The following SOX6 variants were observed in gnomAD, a reference collection of about 807,000 sequenced individuals.
SOX6 encodes SRY-box transcription factor 6, also known as transcription factor SOX-6.
In SOX6, 11 loss-of-function variants were observed where a neutral mutation model predicts 97.8. The observed-to-expected ratio is 0.11, with a 90% CI of 0.07 to 0.19. The LOEUF (loss-of-function observed/expected upper bound fraction) is 0.19, where lower values mean the gene tolerates loss of function less well. Ranked by LOEUF, SOX6 falls within the 10% of genes least tolerant of loss-of-function variation. The pLI is 1.00. For missense variants in SOX6, 810 were observed against 1,039.5 expected (o/e 0.78, Z 3.04); for synonymous variants, 360 against 371.4 (o/e 0.97, Z 0.35).
At chr11:16,080,101 A>C (rs934379656) in intron 9 of SOX6, among the ~76,000 whole-genome samples, 14 of 151,010 alleles carry the variant, frequency 9.3e-5, no homozygotes, top group Non-Finnish European at 1.6e-4. Context: ...AAAAAAAAAA[A>C]CATTCTCATC....
intron 6 of SOX6, among the ~76,000 whole-genome samples, chr11:16,149,951 G>T (rs1172659829): frequency 1.3e-5 from 2 of 152,142 alleles, no homozygotes; most frequent in African/African-American, 4.8e-5. Context: ...CACTCCCAAA[G>T]CAATTGATTT....
At position 16,726,878 on chromosome 11, in the gene SOX6, C is replaced by A. The variant is rs1009980736; in HGVS notation, n.353+9461G>T. Among the ~76,000 whole-genome samples the A allele has an allele frequency of 2.0e-5, 3 of 152,128 alleles. 1 individual carries two copies. Among genetic ancestry groups the A allele is most frequent in the Non-Finnish European group, 4.4e-5 (3 of 68,024 alleles). The stretch of plus-strand genomic sequence containing the variant: ...ATGCTTAGATATTAACCGTGATAAC[C>A]TCAGAACTATGGCATTACTAAGTGA... On this transcript the variant is annotated intron_variant and non_coding_transcript_variant, in intron 2 of 5. Coordinates refer to the SOX6 transcript ENST00000524520.
chr11:16,388,123 G>T (rs536703504), intron 1 of SOX6, among the ~76,000 whole-genome samples: 1 of 152,194 alleles, frequency 6.6e-6, no homozygotes, highest in South Asian at 2.1e-4. Flanking sequence ...TATATTCCTA[G>T]ATTGCTGGGA....
At chr11:16,113,170 G>A (rs2133996565) in intron 6 of SOX6, among the ~76,000 whole-genome samples, 1 of 152,238 alleles carries the variant, frequency 6.6e-6, no homozygotes, top group Admixed American at 6.5e-5. Context: ...AAATGCTTCT[G>A]TGTAGGTCTA....
chr11:16,512,905 G>A (rs777724775), intron 4 of SOX6, among the ~76,000 whole-genome samples: 1 of 152,166 alleles, frequency 6.6e-6, no homozygotes, highest in Non-Finnish European at 1.5e-5. Context: ...CAGAAGAAGG[G>A]AATGACTCTG....
intron 3 of SOX6, among the ~76,000 whole-genome samples, chr11:16,672,646 A>G (rs1018352419): frequency 6.6e-6 from 1 of 151,780 alleles, no homozygotes; most frequent in Non-Finnish European, 1.5e-5. Context: ...TAATTCAACC[A>G]CCTCCCACCA....
intron 3 of SOX6, among the ~76,000 whole-genome samples, chr11:16,634,026 A>G (rs555094107): frequency 1.3e-5 from 2 of 152,208 alleles, no homozygotes; most frequent in Non-Finnish European, 2.9e-5. Flanking sequence ...TCTAGAGAAA[A>G]GATGATCAAC....
At chr11:16,224,179 C>G (rs1852620462) in intron 4 of SOX6, among the ~76,000 whole-genome samples, 1 of 151,918 alleles carries the variant, frequency 6.6e-6, no homozygotes, top group Admixed American at 6.6e-5. Context: ...TAGTTTTACA[C>G]TTTTAATTAT....
At chr11:16,281,013 A>G (rs1370446523) in intron 3 of SOX6, among the ~76,000 whole-genome samples, 4 of 152,092 alleles carry the variant, frequency 2.6e-5, no homozygotes, top group African/African-American at 7.2e-5. Context: ...AATCATCCCT[A>G]CAGTCTGAAA....
At chr11:16,446,352 G>C (rs1456500382) in intron 1 of SOX6, among the ~76,000 whole-genome samples, 1 of 152,016 alleles carries the variant, frequency 6.6e-6, no homozygotes, top group African/African-American at 2.4e-5. Context: ...AATGTGGCAG[G>C]GTTTGGAGAG....
chr11:16,692,837 T>C (rs1247960884), intron 3 of SOX6, among the ~76,000 whole-genome samples: 1 of 152,222 alleles, frequency 6.6e-6, no homozygotes, highest in Non-Finnish European at 1.5e-5. Flanking sequence ...TTATTAGAGA[T>C]TGTTTATAAA....
intron 4 of SOX6, among the ~76,000 whole-genome samples, chr11:16,497,317 A>G (rs1860617782): frequency 6.6e-6 from 1 of 152,228 alleles, no homozygotes; most frequent in African/African-American, 2.4e-5. Flanking sequence ...CCCCATCTGT[A>G]TGTCACCATC....
chr11:16,529,802 A>G (rs756359285), intron 4 of SOX6, among the ~76,000 whole-genome samples: 1 of 152,070 alleles, frequency 6.6e-6, no homozygotes, highest in African/African-American at 2.4e-5. Context: ...TTTAACATTG[A>G]TCCCTTTAAC....
At chr11:16,395,883 T>A (rs1027757648) in intron 1 of SOX6, among the ~76,000 whole-genome samples, 4 of 151,808 alleles carry the variant, frequency 2.6e-5, no homozygotes, top group African/African-American at 4.8e-5. Context: ...AACACAGGTA[T>A]TTATACCATT....
chr11:16,536,394 A>G (rs1420356563), intron 4 of SOX6, among the ~76,000 whole-genome samples: 1 of 152,208 alleles, frequency 6.6e-6, no homozygotes, highest in African/African-American at 2.4e-5. Context: ...TTGACGCAGA[A>G]GATGGGTGAT....
At chr11:16,706,913 T>C (rs1848141330) in intron 3 of SOX6, among the ~76,000 whole-genome samples, 1 of 152,210 alleles carries the variant, frequency 6.6e-6, no homozygotes. Flanking sequence ...CATTTCTTTC[T>C]CTATGTTACT....
chr11:16,337,264 T>C (rs560258729), intron 2 of SOX6, among the ~76,000 whole-genome samples: 2 of 152,262 alleles, frequency 1.3e-5, no homozygotes, highest in South Asian at 4.1e-4. Flanking sequence ...ATCTGTTTGA[T>C]ACAAGTAGCT....
intron 4 of SOX6, among the ~76,000 whole-genome samples, chr11:16,573,427 G>A (rs1463922230): frequency 6.6e-6 from 1 of 152,068 alleles, no homozygotes; most frequent in Admixed American, 6.6e-5. Context: ...TAGGCCAAAT[G>A]GAAATGGCTA....
intron 3 of SOX6, chr11:16,317,189 A>G (rs745329761): frequency 6.6e-6 from 1 of 151,550 alleles, no homozygotes; most frequent in African/African-American, 2.4e-5. Context: ...TAATAATCTC[A>G]ATGATCACTA....
Sources: gnomAD v4.1 joint callset for allele counts (sites outside exome capture counted in the v4.1 genomes callset) on GRCh38, gnomAD v4.1.1 for gene constraint, MANE v1.5 for transcripts, NCBI Gene and HGNC (gene_info 2026-07-23, HGNC 2026-07-21) for gene names.